SUCLG2: variants seen among roughly 807,000 people sequenced by gnomAD.
The protein encoded by SUCLG2 is succinate--CoA ligase [GDP-forming] subunit beta, mitochondrial.
In SUCLG2, 42 loss-of-function variants were observed where a neutral mutation model predicts 47.9. The ratio of observed to expected loss-of-function variants is 0.88; its 90% CI spans 0.69 to 1.14. SUCLG2 has a LOEUF of 1.14. SUCLG2 is among the 50% of genes most tolerant of loss of function. SUCLG2 has a pLI of 0.00. For missense variants in SUCLG2, 571 were observed against 525.9 expected (o/e 1.09, Z -0.84); for synonymous variants, 195 against 197.3 (o/e 0.99, Z 0.10).
chr3:67,391,023 G>A (rs1229273911), intron 10 of SUCLG2, among the ~76,000 whole-genome samples: 1 of 152,252 alleles, frequency 6.6e-6, no homozygotes, highest in East Asian at 1.9e-4. Context: ...GAGATAATTT[G>A]TAGACTGGAT....
At chr3:67,461,419 C>T (rs73104313) in intron 9 of SUCLG2, among the ~76,000 whole-genome samples, 4,053 of 151,890 alleles carry the variant, frequency 0.027, 67 homozygotes, top group African/African-American at 0.049. Context: ...TTCCATATAA[C>T]GGTATTGGAA....
At chr3:67,542,086 T>G (rs1328522459) in intron 2 of SUCLG2, among the ~76,000 whole-genome samples, 1 of 151,720 alleles carries the variant, frequency 6.6e-6, no homozygotes, top group Non-Finnish European at 1.5e-5. Context: ...GTAGGTCAGG[T>G]TGGTCTCAAA....
intron 2 of SUCLG2, among the ~76,000 whole-genome samples, chr3:67,543,856 T>C (rs1308850192): frequency 6.6e-6 from 1 of 152,212 alleles, no homozygotes; most frequent in African/African-American, 2.4e-5. Flanking sequence ...CATAGTAGTT[T>C]GTCTTGAATA....
At chr3:67,653,803 A>T (rs897076020) in intron 1 of SUCLG2, among the ~76,000 whole-genome samples, 1 of 152,226 alleles carries the variant, frequency 6.6e-6, no homozygotes, top group Non-Finnish European at 1.5e-5. Flanking sequence ...AAAATCTGCT[A>T]GAGGCCAAGT....
chr3:67,529,538 G>C (rs759021913), intron 2 of SUCLG2, among the ~76,000 whole-genome samples: 3 of 152,162 alleles, frequency 2.0e-5, no homozygotes, highest in African/African-American at 4.8e-5. Flanking sequence ...ACTCCCATGT[G>C]GCAGAGGCAC....
intron 1 of SUCLG2, among the ~76,000 whole-genome samples, chr3:67,618,754 C>T (rs1187402486): frequency 2.6e-5 from 4 of 152,092 alleles, no homozygotes; most frequent in Non-Finnish European, 5.9e-5. Context: ...AAAGTATGAA[C>T]AAATAAAGCA....
intron 9 of SUCLG2, among the ~76,000 whole-genome samples, chr3:67,437,296 G>T (rs958105034): frequency 6.6e-6 from 1 of 152,128 alleles, no homozygotes; most frequent in Non-Finnish European, 1.5e-5. Flanking sequence ...AACAACAAGA[G>T]ATAAGGATCA....
chr3:67,571,649 A>G (rs1046830357), intron 2 of SUCLG2, among the ~76,000 whole-genome samples: 4 of 152,246 alleles, frequency 2.6e-5, no homozygotes, highest in African/African-American at 9.6e-5. Context: ...TTTAGACCAC[A>G]GTAAACACTG....
intron 10 of SUCLG2, among the ~76,000 whole-genome samples, chr3:67,395,101 G>A (rs1029330791): frequency 3.9e-5 from 6 of 151,974 alleles, no homozygotes; most frequent in African/African-American, 1.2e-4. Flanking sequence ...AGACTAGGAA[G>A]AAACTGCATC....
chr3:67,498,088 T>A (rs372239658), intron 8 of SUCLG2, 46 bp downstream of exon 8: 1 of 1,549,890 alleles, frequency 6.5e-7, no homozygotes, highest in African/African-American at 1.4e-5. Flanking sequence ...TTTCCTAAAT[T>A]CTATAAGAAT....
chr3:67,363,989 A>T (rs183531083), intron 10 of SUCLG2, among the ~76,000 whole-genome samples: 1 of 152,328 alleles, frequency 6.6e-6, no homozygotes, highest in African/African-American at 2.4e-5. Context: ...AAGAAACTGG[A>T]GAAATGCCAA....
At chr3:67,443,923 G>T (rs1314549538) in intron 9 of SUCLG2, among the ~76,000 whole-genome samples, 1 of 90,532 alleles carries the variant, frequency 1.1e-5, no homozygotes, top group Admixed American at 1.2e-4. Context: ...AGTGAGGAGC[G>T]TCTCCGCCCG....
At chr3:67,406,745 T>A (rs1237675384) in intron 9 of SUCLG2, among the ~76,000 whole-genome samples, 2 of 152,126 alleles carry the variant, frequency 1.3e-5, no homozygotes, top group African/African-American at 2.4e-5. Context: ...GACAAAGAGT[T>A]TGAGAAGCCT....
At chr3:67,373,064 T>C (rs996417017), downstream of SUCLG2, among the ~76,000 whole-genome samples, 1 of 152,162 alleles carries the variant, frequency 6.6e-6, no homozygotes, top group Non-Finnish European at 1.5e-5. Context: ...AAAGAACATA[T>C]CCTTTTCACT....
exon 11 of SUCLG2, chr3:67,360,643 T>C (rs1484918442): frequency 1.3e-6 from 2 of 1,509,390 alleles, no homozygotes; most frequent in South Asian, 1.3e-5. Flanking sequence ...CATAAAAAAA[T>C]GCTGATGGCA....
intron 2 of SUCLG2, among the ~76,000 whole-genome samples, chr3:67,570,001 G>A (rs943060943): frequency 2.0e-5 from 3 of 152,096 alleles, no homozygotes; most frequent in Non-Finnish European, 4.4e-5. Context: ...CTTTAAAGAG[G>A]AGATTAATTT....
intron 10 of SUCLG2, among the ~76,000 whole-genome samples, chr3:67,389,573 C>T (rs1220426354): frequency 1.3e-5 from 2 of 152,190 alleles, no homozygotes; most frequent in East Asian, 3.8e-4. Context: ...TGCGAAATGT[C>T]TTTTATCTTC....
intron 9 of SUCLG2, among the ~76,000 whole-genome samples, chr3:67,448,800 A>G (rs1428295768): frequency 1.3e-5 from 2 of 152,224 alleles, no homozygotes; most frequent in Non-Finnish European, 2.9e-5. Context: ...ATGAAAAAAC[A>G]CTATTTCTGA....
In SUCLG2 at chr3:67,396,716, C is replaced by T. The variant is rs545081481; in HGVS notation, c.1183+4015G>A. Among the ~76,000 whole-genome samples the T allele has an allele frequency of 6.4e-4, 98 of 152,102 alleles. 1 individual carries two copies. The highest frequency in any genetic ancestry group is 1.2e-3 in the South Asian group (6 of 4,816). On this transcript the variant is annotated intron_variant, in intron 10 of 10. Transcript: ENST00000307227. ...ATACCAAAGCCTGGCAGAGACACAA[C>T]CAAAAAAGAGAATTTTAGACCAACG... is the stretch of plus-strand genomic sequence containing the variant.
Sources: gnomAD v4.1 joint callset for allele counts (sites outside exome capture counted in the v4.1 genomes callset) on GRCh38, gnomAD v4.1.1 for gene constraint, MANE v1.5 for transcripts, NCBI Gene and HGNC (gene_info 2026-07-23, HGNC 2026-07-21) for gene names.